Variants in TUSC3 observed in about 807,000 individuals in gnomAD.
TUSC3 encodes dolichyl-diphosphooligosaccharide--protein glycosyltransferase subunit TUSC3.
TUSC3 carries 45 observed loss-of-function variants against 44.8 expected under a neutral mutation model. That is an observed-to-expected ratio of 1.00 (90% CI 0.79 to 1.29). TUSC3 has a LOEUF of 1.29. TUSC3 is among the 50% of genes most tolerant of loss of function. The pLI is 0.00. For missense variants in TUSC3, 519 were observed against 437.9 expected (o/e 1.19, Z -1.65); for synonymous variants, 212 against 152.9 (o/e 1.39, Z -2.85).
chr8:15,777,718 T>C, the TUSC3 span, among the ~76,000 whole-genome samples: 2 of 152,174 alleles, frequency 1.3e-5, no homozygotes, highest in Non-Finnish European at 2.9e-5. Context: ...CAAAGGTAAA[T>C]GCTTAAAGGT....
chr8:15,740,314 C>T (rs1811134271), intron 7 of TUSC3, among the ~76,000 whole-genome samples: 1 of 152,038 alleles, frequency 6.6e-6, no homozygotes. Context: ...ATTTCTAAAG[C>T]AGGAAACAAC....
At chr8:15,672,377 T>C (rs1177532044) in intron 5 of TUSC3, among the ~76,000 whole-genome samples, 1 of 151,724 alleles carries the variant, frequency 6.6e-6, no homozygotes, top group Non-Finnish European at 1.5e-5. Flanking sequence ...ATGGACTTGC[T>C]CAATGTTTAA....
chr8:15,791,454 G>A, the TUSC3 span, among the ~76,000 whole-genome samples: 2 of 152,166 alleles, frequency 1.3e-5, no homozygotes, highest in African/African-American at 4.8e-5. Context: ...TCATCTGAAT[G>A]TGTGGTTTAC....
At chr8:15,523,708 G>GTATATATATATATATATGTATATATA (rs1801334258) in intron 2 of TUSC3, among the ~76,000 whole-genome samples, 1 of 112,502 alleles carries the variant, frequency 8.9e-6, no homozygotes, top group African/African-American at 3.9e-5. Context: ...GTGTGTGTGT[G>GTATATATATATATATATGTATATATA]TATATATATA....
At chr8:15,619,543 G>C (rs1424067972) in intron 1 of TUSC3, among the ~76,000 whole-genome samples, 1 of 151,728 alleles carries the variant, frequency 6.6e-6, no homozygotes, top group African/African-American at 2.4e-5. Context: ...CCAGGCTGGA[G>C]TGCAGTGGCA....
At chr8:15,748,704 A>G (rs1012341065) in intron 9 of TUSC3, 1 of 648,946 alleles carries the variant, frequency 1.5e-6, no homozygotes, top group Admixed American at 1.8e-5. Context: ...ATATTTTTAT[A>G]TAACAAATGA....
chr8:15,434,643 T>C (rs1707050297), intron 1 of TUSC3, among the ~76,000 whole-genome samples: 1 of 151,862 alleles, frequency 6.6e-6, no homozygotes, highest in Admixed American at 6.6e-5. Context: ...AACTCGTCAT[T>C]TAGCATTAGG....
At chr8:15,686,349 G>C (rs1442426548) in intron 6 of TUSC3, among the ~76,000 whole-genome samples, 1 of 151,618 alleles carries the variant, frequency 6.6e-6, no homozygotes, top group Admixed American at 6.6e-5. Flanking sequence ...GATTGCTATG[G>C]GTTTGCCAGA....
intron 1 of TUSC3, among the ~76,000 whole-genome samples, chr8:15,429,789 C>T (rs150166313): frequency 1.3e-5 from 2 of 151,294 alleles, no homozygotes; most frequent in African/African-American, 4.9e-5. Flanking sequence ...TAAAAAATGA[C>T]AAAGGGGATA....
At chr8:15,675,516 A>G (rs905422845) in intron 6 of TUSC3, among the ~76,000 whole-genome samples, 4 of 151,732 alleles carry the variant, frequency 2.6e-5, no homozygotes, top group Admixed American at 6.6e-5. Flanking sequence ...GGTACATTGC[A>G]TAATACTAAG....
chr8:15,565,905 A>C (rs897690047), intron 1 of TUSC3, among the ~76,000 whole-genome samples: 1 of 152,120 alleles, frequency 6.6e-6, no homozygotes, highest in African/African-American at 2.4e-5. Flanking sequence ...TAAGCCACTA[A>C]AATTTTGGGG....
chr8:15,611,728 G>A (rs1366667), intron 1 of TUSC3, among the ~76,000 whole-genome samples: 45,421 of 151,994 alleles, frequency 0.3, 7,497 homozygotes, highest in East Asian at 0.39. Flanking sequence ...GGTCTTTACT[G>A]AACTATCAGT....
chr8:15,680,193 A>G (rs914934215), intron 6 of TUSC3, among the ~76,000 whole-genome samples: 3 of 152,148 alleles, frequency 2.0e-5, no homozygotes, highest in East Asian at 1.9e-4. Context: ...GATTTTAATG[A>G]TAGTGAGCCT....
At chr8:15,447,172 G>A (rs1031520998) in intron 1 of TUSC3, among the ~76,000 whole-genome samples, 4 of 151,910 alleles carry the variant, frequency 2.6e-5, no homozygotes, top group Admixed American at 1.3e-4. Context: ...AAAATATCAA[G>A]AATAGTTATT....
chr8:15,440,884 G>C (rs1031283780), intron 1 of TUSC3, among the ~76,000 whole-genome samples: 1 of 152,152 alleles, frequency 6.6e-6, no homozygotes, highest in Non-Finnish European at 1.5e-5. Context: ...TAGAGAGCTT[G>C]CTTGAGGATA....
At chr8:15,417,562 A>C (rs932620522) in intron 1 of TUSC3, among the ~76,000 whole-genome samples, 3 of 152,228 alleles carry the variant, frequency 2.0e-5, no homozygotes, top group African/African-American at 7.2e-5. Context: ...AAGTCACTGA[A>C]GGCTTTCAAT....
chr8:15,611,506 T>C (rs1804760881), intron 1 of TUSC3, among the ~76,000 whole-genome samples: 1 of 152,194 alleles, frequency 6.6e-6, no homozygotes, highest in Non-Finnish European at 1.5e-5. Context: ...CTTTTGAATG[T>C]AATGATAATT....
chr8:15,767,056 G>A (rs1231564586), downstream of TUSC3, among the ~76,000 whole-genome samples: 1 of 152,010 alleles, frequency 6.6e-6, no homozygotes, highest in Non-Finnish European at 1.5e-5. Flanking sequence ...TATTGGATCA[G>A]ACCAATATAT....
chr8:15,730,321 T>C (rs1400861934), intron 6 of TUSC3, among the ~76,000 whole-genome samples: 1 of 152,154 alleles, frequency 6.6e-6, no homozygotes, highest in Non-Finnish European at 1.5e-5. Context: ...TTTTAAAGGA[T>C]GAAAAATCAT....
Sources: gnomAD v4.1 joint callset for allele counts (sites outside exome capture counted in the v4.1 genomes callset) on GRCh38, gnomAD v4.1.1 for gene constraint, MANE v1.5 for transcripts, NCBI Gene and HGNC (gene_info 2026-07-23, HGNC 2026-07-21) for gene names.